TTC34: variants seen among roughly 807,000 people sequenced by gnomAD.
The protein encoded by TTC34 is tetratricopeptide repeat domain 34.
A neutral mutation model predicts 40.7 loss-of-function variants in TTC34; 44 were observed. That is an observed-to-expected ratio of 1.08 (90% CI 0.85 to 1.39). The LOEUF is 1.39. Ranked by LOEUF, TTC34 falls within the 40% of genes most tolerant of loss-of-function variation. The pLI is 0.00. For synonymous variants in TTC34, 422 were observed against 398.6 expected (o/e 1.06, Z -0.70); for missense variants, 884 against 838.0 (o/e 1.05, Z -0.68).
At chr1:2,692,029 AG>A (rs1326522625) in intron 6 of TTC34, among the ~76,000 whole-genome samples, 5 of 84,426 alleles carry the variant, frequency 5.9e-5, no homozygotes, top group East Asian at 3.4e-4. Context: ...CCACACCCCC[AG>A]GTGAGCATCT....
At position 2,645,285 on chromosome 1, in the gene TTC34, C is replaced by T; in HGVS notation, c.2497+8G>A. ...CCCCGTGTTTCCCACCTTGGGGCCG[C>T]CGCATACCCTGTGCCATGAGAATGT... On this transcript the variant is annotated splice_region_variant and intron_variant, in intron 7 of 8. Coordinates refer to ENST00000401095, the Ensembl canonical transcript of TTC34. The surrounding 1 kb of genome is among the most constrained non-coding windows in gnomAD (Gnocchi z 4.7). 6.8e-7 allele frequency: 1 copy of T among 1,468,664 alleles called. No homozygotes were observed. Among genetic ancestry groups the T allele is most frequent in the Non-Finnish European group, 9.0e-7 (1 of 1,111,706 alleles). The allele number at this position is 1,468,664 out of a possible 1,614,324, so 91.0% of individuals were successfully genotyped here. A position where few individuals can be genotyped will look rare whatever the true frequency, so the allele number is the denominator to read the frequency against.
intron 6 of TTC34, among the ~76,000 whole-genome samples, chr1:2,660,771 A>C (rs1483652961): frequency 5.9e-5 from 8 of 136,724 alleles, no homozygotes; most frequent in African/African-American, 1.2e-4. Context: ...AGCATCTGAC[A>C]GACTGGAGCA....
intron 6 of TTC34, among the ~76,000 whole-genome samples, chr1:2,651,819 C>T (rs943408333): frequency 3.9e-5 from 6 of 152,216 alleles, no homozygotes; most frequent in South Asian, 4.2e-4. Flanking sequence ...AGGTGATCAT[C>T]GGACAGCCTG....
exon 9 of TTC34, chr1:2,638,379 C>T (rs953263099): frequency 3.9e-5 from 6 of 152,222 alleles, no homozygotes; most frequent in Non-Finnish European, 5.9e-5. Flanking sequence ...CGCTAGCTCA[C>T]ATTAGCTGCT....
chr1:2,800,109 A>G (rs1344505594), exon 2 of TTC34: 1 of 398,424 alleles, frequency 2.5e-6, no homozygotes, highest in East Asian at 3.6e-5. Context: ...GCAGTCCTCA[A>G]ACCTGCCGCT....
chr1:2,785,998 C>A (rs936376098), exon 5 of TTC34: 2 of 1,481,380 alleles, frequency 1.4e-6, no homozygotes, highest in East Asian at 5.1e-5. Flanking sequence ...GGCGGTGTCA[C>A]CAGACTGGAC....
chr1:2,644,040 TC>T (rs1557579171), intron 8 of TTC34, among the ~76,000 whole-genome samples: 1 of 152,160 alleles, frequency 6.6e-6, no homozygotes, highest in Admixed American at 6.5e-5. Flanking sequence ...GGCTTATACT[TC>T]CCATACAAAG....
intron 6 of TTC34, among the ~76,000 whole-genome samples, chr1:2,688,479 A>G (rs1331415184): frequency 8.5e-6 from 1 of 118,342 alleles, no homozygotes; most frequent in African/African-American, 4.3e-5. Flanking sequence ...ATTGTGGAGC[A>G]GCACCCCACA....
chr1:2,699,412 C>T (rs577678459), intron 6 of TTC34, among the ~76,000 whole-genome samples: 1 of 101,812 alleles, frequency 9.8e-6, no homozygotes, highest in African/African-American at 3.1e-5. Flanking sequence ...GCACCCCACA[C>T]CCCAAGGTGA....
At chr1:2,751,767 A>AGGTGAGCAT (rs1641328412) in intron 6 of TTC34, among the ~76,000 whole-genome samples, 1 of 144,590 alleles carries the variant, frequency 6.9e-6, no homozygotes, top group Admixed American at 6.8e-5. Context: ...AGCACCCCAC[A>AGGTGAGCAT]CCCACAGGTG....
At chr1:2,757,341 A>T (rs1641540053) in intron 6 of TTC34, among the ~76,000 whole-genome samples, 1 of 62,842 alleles carries the variant, frequency 1.6e-5, no homozygotes, top group South Asian at 7.7e-4. Context: ...CTGGAGCAGC[A>T]CCCTACACCC....
intron 6 of TTC34, among the ~76,000 whole-genome samples, chr1:2,677,726 C>CTACATCCCCAGGTG (rs1639963647): frequency 7.5e-6 from 1 of 133,732 alleles, no homozygotes; most frequent in Non-Finnish European, 1.6e-5. Flanking sequence ...GAACAGCACC[C>CTACATCCCCAGGTG]TGCACCCCCA....
intron 6 of TTC34, among the ~76,000 whole-genome samples, chr1:2,660,786 C>G (rs1371141809): frequency 7.2e-6 from 1 of 138,542 alleles, no homozygotes; most frequent in Non-Finnish European, 1.6e-5. Flanking sequence ...GGAGCAGCAC[C>G]CACACCCCCA....
At chr1:2,790,262 A>G in exon 3 of TTC34, 1 of 398,420 alleles carries the variant, frequency 2.5e-6, no homozygotes, top group Non-Finnish European at 4.4e-6. Context: ...GGCCTCCTGC[A>G]GGTTCCAAAA....
At position 2,644,568 on chromosome 1, in the gene TTC34, T is replaced by C. The variant is rs1351249942; in HGVS notation, c.2498-90A>G. 4 of 1,326,256 alleles carry C rather than the reference T, an allele frequency of 3.0e-6. No individual in the cohort carries two copies. In the African/African-American group the frequency reaches 5.8e-5, roughly 19 times the overall value. 82.2% of individuals were successfully genotyped at this position (1,326,256 alleles called of 1,614,324 possible). A position where few individuals can be genotyped will look rare whatever the true frequency, so the allele number is the denominator to read the frequency against. On this transcript the variant is annotated intron_variant, in intron 7 of 8. Coordinates refer to ENST00000401095, the Ensembl canonical transcript of TTC34. ...CTCGCTGGCCGCTCCTTCCCTGCCC[T>C]GTGCTGGCTTGCGGGGAGCTGATGA...
intron 6 of TTC34, among the ~76,000 whole-genome samples, chr1:2,700,085 A>G (rs1641060487): frequency 8.5e-6 from 1 of 117,786 alleles, no homozygotes; most frequent in African/African-American, 2.8e-5. Context: ...CTGGAGCAGC[A>G]CCCACAGTCC....
intron 6 of TTC34, among the ~76,000 whole-genome samples, chr1:2,652,525 C>CCCCAGGTGAGTA (rs1639182042): frequency 7.2e-4 from 3 of 4,154 alleles, no homozygotes; most frequent in Non-Finnish European, 6.7e-4. Context: ...GCACCCACAC[C>CCCCAGGTGAGTA]TCCAGGCGAG....
intron 6 of TTC34, among the ~76,000 whole-genome samples, chr1:2,675,715 CACCCACACCCCCAGGCGAGCA>C (rs2100294836): frequency 5.6e-5 from 6 of 107,680 alleles, no homozygotes; most frequent in East Asian, 2.5e-4. Context: ...CCTGGAAGAG[CACCCACACCCCCAGGCGAGCA>C]TCTGACAGCC....
exon 9 of TTC34, chr1:2,641,518 G>A: frequency 6.5e-7 from 1 of 1,535,480 alleles, no homozygotes; most frequent in African/African-American, 1.4e-5. Flanking sequence ...ACTGCCCGCG[G>A]AGAAGGAACA....
Sources: gnomAD v4.1 joint callset for allele counts (sites outside exome capture counted in the v4.1 genomes callset) on GRCh38, gnomAD v4.1.1 for gene constraint, Gnocchi (gnomAD v3.1) non-coding constraint, MANE v1.5 for transcripts, NCBI Gene and HGNC (gene_info 2026-07-23, HGNC 2026-07-21) for gene names.